Variants in CNBD1 observed in about 807,000 individuals in gnomAD.
The protein encoded by CNBD1 is cyclic nucleotide binding domain containing 1.
Under a neutral mutation model 54.4 loss-of-function variants are expected in CNBD1, and 71 were observed. That is an observed-to-expected ratio of 1.30 (90% CI 1.08 to 1.59). CNBD1 has a LOEUF of 1.59. Among genes scored for constraint, CNBD1 ranks in the 40% most tolerant of loss-of-function variants. The pLI, the probability that CNBD1 is intolerant of heterozygous loss-of-function variation, is 0.00. For synonymous variants in CNBD1, 182 were observed against 170.7 expected, an observed-to-expected ratio of 1.07 and a Z score of -0.51; for missense variants, 659 against 518.0, an observed-to-expected ratio of 1.27 and a Z score of -2.64.
chr8:87,179,326 G>T (rs937687790), intron 4 of CNBD1, among the ~76,000 whole-genome samples: 2 of 152,106 alleles, frequency 1.3e-5, no homozygotes, highest in Non-Finnish European at 2.9e-5. Flanking sequence ...TTTAAAAACT[G>T]CAGTTTTAAA....
intron 2 of CNBD1, among the ~76,000 whole-genome samples, chr8:87,410,272 T>G (rs1586085404): frequency 6.6e-6 from 1 of 152,150 alleles, no homozygotes; most frequent in African/African-American, 2.4e-5. Context: ...TAATTTCGAT[T>G]TTCAAGTCAT....
chr8:86,876,104 G>A (rs1808516208), intron 1 of CNBD1, among the ~76,000 whole-genome samples: 1 of 151,862 alleles, frequency 6.6e-6, no homozygotes, highest in Non-Finnish European at 1.5e-5. Context: ...TATTTAACAA[G>A]CATATGTATT....
At chr8:87,417,005 A>G (rs1807847907) in intron 2 of CNBD1, among the ~76,000 whole-genome samples, 1 of 152,126 alleles carries the variant, frequency 6.6e-6, no homozygotes. Flanking sequence ...ATTATTTCAT[A>G]GTAATATGAA....
intron 10 of CNBD1, among the ~76,000 whole-genome samples, chr8:87,358,840 G>C (rs1365954414): frequency 6.6e-6 from 1 of 152,136 alleles, no homozygotes; most frequent in East Asian, 1.9e-4. Flanking sequence ...CAGAGCACCA[G>C]GAATCCTGGT....
At chr8:87,328,791 A>G (rs1809749157) in intron 8 of CNBD1, among the ~76,000 whole-genome samples, 1 of 152,024 alleles carries the variant, frequency 6.6e-6, no homozygotes, top group South Asian at 2.1e-4. Context: ...ACAATGTTTT[A>G]TATTTTTCAG....
intron 8 of CNBD1, among the ~76,000 whole-genome samples, chr8:87,334,989 G>C (rs772694177): frequency 6.6e-6 from 1 of 152,032 alleles, no homozygotes; most frequent in Non-Finnish European, 1.5e-5. Flanking sequence ...CTCCCAAAGT[G>C]CTGGGATTAC....
intron 2 of CNBD1, among the ~76,000 whole-genome samples, chr8:87,409,911 T>G (rs1807711584): frequency 6.6e-6 from 1 of 151,828 alleles, no homozygotes; most frequent in African/African-American, 2.4e-5. Context: ...TAGTCCCAGC[T>G]ACTCAGGAGG....
chr8:87,169,458 G>T (rs1313107558), intron 4 of CNBD1, among the ~76,000 whole-genome samples: 1 of 151,826 alleles, frequency 6.6e-6, no homozygotes, highest in African/African-American at 2.4e-5. Flanking sequence ...GTCCTCGTGG[G>T]GTATTACTCA....
chr8:87,283,882 C>T (rs1385752377), intron 6 of CNBD1, among the ~76,000 whole-genome samples: 1 of 152,080 alleles, frequency 6.6e-6, no homozygotes, highest in Non-Finnish European at 1.5e-5. Context: ...ACTTTGGCCT[C>T]AGCTGTGACT....
intron 4 of CNBD1, among the ~76,000 whole-genome samples, chr8:86,955,232 T>C (rs748228337): frequency 1.3e-5 from 2 of 152,214 alleles, no homozygotes; most frequent in Non-Finnish European, 2.9e-5. Flanking sequence ...CAGTATATCA[T>C]TGATGGACAT....
intron 8 of CNBD1, among the ~76,000 whole-genome samples, chr8:87,297,282 T>C (rs1363686842): frequency 2.0e-5 from 3 of 152,128 alleles, no homozygotes; most frequent in Non-Finnish European, 4.4e-5. Flanking sequence ...TTTATACCTT[T>C]TTCATATTTT....
chr8:87,246,765 G>A (rs1276145394), intron 6 of CNBD1, among the ~76,000 whole-genome samples: 1 of 152,030 alleles, frequency 6.6e-6, no homozygotes. Context: ...GATCAGTGTT[G>A]TAGAAGACAA....
At chr8:87,303,729 T>C (rs1470602890) in intron 8 of CNBD1, among the ~76,000 whole-genome samples, 5 of 146,350 alleles carry the variant, frequency 3.4e-5, no homozygotes, top group Non-Finnish European at 7.5e-5. Context: ...ATTTTTGCAA[T>C]CTACTGATCT....
At chr8:87,365,491 A>G (rs1468804036) in intron 10 of CNBD1, among the ~76,000 whole-genome samples, 1 of 151,988 alleles carries the variant, frequency 6.6e-6, no homozygotes, top group Non-Finnish European at 1.5e-5. Context: ...GTTGAATATC[A>G]TGTTTTCATT....
intron 6 of CNBD1, among the ~76,000 whole-genome samples, chr8:87,279,241 G>A (rs554476692): frequency 4.4e-4 from 67 of 150,894 alleles, no homozygotes; most frequent in African/African-American, 1.6e-3. Flanking sequence ...AGGATGCATT[G>A]GTAATAACTA....
At chr8:86,906,548 TA>T (rs745731285) in intron 3 of CNBD1, among the ~76,000 whole-genome samples, 2 of 152,216 alleles carry the variant, frequency 1.3e-5, no homozygotes, top group Admixed American at 6.5e-5. Flanking sequence ...AACATCACTC[TA>T]AAAATATCTG....
chr8:87,362,841 A>T (rs942020928), intron 10 of CNBD1, among the ~76,000 whole-genome samples: 1 of 151,986 alleles, frequency 6.6e-6, no homozygotes, highest in Non-Finnish European at 1.5e-5. Flanking sequence ...ACTTGGATCA[A>T]TCTTATGGAG....
chr8:87,004,583 G>A (rs1809058045), intron 4 of CNBD1, among the ~76,000 whole-genome samples: 1 of 150,018 alleles, frequency 6.7e-6, no homozygotes. Flanking sequence ...AAATCACAGA[G>A]CACAAAAATC....
intron 4 of CNBD1, among the ~76,000 whole-genome samples, chr8:87,066,469 C>T (rs918010582): frequency 3.3e-5 from 5 of 151,912 alleles, no homozygotes; most frequent in African/African-American, 1.2e-4. Context: ...TAGCCAACCC[C>T]TTTTTAAATC....
Sources: allele counts gnomAD v4.1 joint callset (sites outside exome capture counted in the v4.1 genomes callset), GRCh38; gene constraint gnomAD v4.1.1; transcripts MANE v1.5; gene names NCBI Gene and HGNC (gene_info 2026-07-23, HGNC 2026-07-21).